Variants in PTPRD observed in about 807,000 individuals in gnomAD.
The protein encoded by PTPRD is receptor-type tyrosine-protein phosphatase delta.
In PTPRD, 34 loss-of-function variants were observed where a neutral mutation model predicts 214.5. That is an observed-to-expected ratio of 0.16 (90% confidence interval 0.12 to 0.21). PTPRD has a LOEUF of 0.21. Among genes scored for constraint, PTPRD ranks in the 10% least tolerant of loss-of-function variants. The pLI is 1.00. For missense variants in PTPRD, 2,545 were observed against 2,398.7 expected, an observed-to-expected ratio of 1.06 and a Z score of -1.27; for synonymous variants, 1,128 against 845.7, an observed-to-expected ratio of 1.33 and a Z score of -5.79.
In PTPRD at chr9:9,733,687, C is replaced by A. The variant is rs183581562; in HGVS notation, c.-287+846G>T. Among the ~76,000 whole-genome samples, 320 of 152,244 alleles carry A rather than the reference C, an allele frequency of 2.1e-3. 1 individual carries two copies. Among genetic ancestry groups the A allele is most frequent in the African/African-American group, 7.2e-3 (298 of 41,562 alleles). ...TTTCTGCAGTCCATCAAGTTAGAAT[C>A]TCATTCTTGGTTCAGTATTATGGAA... On this transcript the variant is annotated intron_variant, in intron 7 of 45. Coordinates refer to ENST00000381196, the MANE Select transcript of PTPRD (RefSeq NM_002839.4).
chr9:8,605,714 C>A (rs1314391327), intron 14 of PTPRD, among the ~76,000 whole-genome samples: 1 of 152,214 alleles, frequency 6.6e-6, no homozygotes, highest in Admixed American at 6.5e-5. Flanking sequence ...GACATCAGTG[C>A]ACGTTGGTTC....
At chr9:8,445,596 T>C (rs149089858) in intron 34 of PTPRD, among the ~76,000 whole-genome samples, 226 of 152,284 alleles carry the variant, frequency 1.5e-3, no homozygotes, top group Non-Finnish European at 2.3e-3. Context: ...ACTTAAGTAA[T>C]AGATTGGTCC....
chr9:9,342,473 A>T (rs2047176870), intron 9 of PTPRD, among the ~76,000 whole-genome samples: 1 of 152,184 alleles, frequency 6.6e-6, no homozygotes, highest in Admixed American at 6.5e-5. Context: ...GACGAGATTA[A>T]TACATATTTG....
rs549559602 is a variant in PTPRD at position 10,555,305 on chromosome 9, T to C, written c.-600+57093A>G. Among the ~76,000 whole-genome samples the C allele has an allele frequency of 6.6e-5, 10 of 152,290 alleles. No homozygotes were observed. The East Asian group carries it at 1.9e-3, about 29-fold the overall frequency. On this transcript the variant is annotated intron_variant, in intron 2 of 45. Transcript: ENST00000381196. The stretch of plus-strand genomic sequence containing the variant: ...AGAAGAAAATAAAAGACAAACTCAT[T>C]AGTTACAGGTACAACAAATAAAATT...
intron 8 of PTPRD, among the ~76,000 whole-genome samples, chr9:9,548,581 T>G (rs2079405679): frequency 6.6e-6 from 1 of 151,906 alleles, no homozygotes; most frequent in South Asian, 2.1e-4. Flanking sequence ...GTATTTTTAG[T>G]AGAGATGGGG....
At chr9:9,270,464 A>G (rs1331203136) in intron 9 of PTPRD, among the ~76,000 whole-genome samples, 2 of 151,338 alleles carry the variant, frequency 1.3e-5, no homozygotes, top group African/African-American at 4.8e-5. Context: ...CAAGAAGTGC[A>G]TGTAACAAAG....
intron 11 of PTPRD, among the ~76,000 whole-genome samples, chr9:8,934,475 A>AAATT (rs1567099864): frequency 0.013 from 118 of 9,248 alleles, 6 homozygotes; most frequent in Admixed American, 0.024. Flanking sequence ...ATATATATAT[A>AAATT]TAAATATATA....
rs189427158 is a variant in PTPRD, at chr9:10,274,860, C to T, written c.-545+66103G>A. ...AGGACATTCAGGATCTAGACAGCAG[C>T]AATGGAAATGTGCCCTCAGGAATAA... On this transcript the variant is annotated intron_variant, in intron 3 of 45. Coordinates refer to ENST00000381196, the MANE Select transcript of PTPRD (RefSeq NM_002839.4). 4.6e-5 allele frequency among the ~76,000 whole-genome samples: 7 copies of T among 152,166 alleles called. No homozygotes were observed. In the South Asian group the frequency reaches 8.3e-4, roughly 18 times the overall value.
intron 12 of PTPRD, among the ~76,000 whole-genome samples, chr9:8,685,971 G>A: frequency 6.6e-6 from 1 of 152,256 alleles, no homozygotes; most frequent in South Asian, 2.1e-4. Flanking sequence ...GGCTCATTTT[G>A]AGAAACATCT....
intron 11 of PTPRD, among the ~76,000 whole-genome samples, chr9:8,794,058 T>C (rs1462280021): frequency 6.6e-6 from 1 of 152,208 alleles, no homozygotes; most frequent in East Asian, 1.9e-4. Flanking sequence ...CACATTATCA[T>C]GCATTACAGT....
intron 3 of PTPRD, among the ~76,000 whole-genome samples, chr9:10,257,694 G>A (rs976582797): frequency 3.9e-5 from 6 of 152,070 alleles, no homozygotes; most frequent in African/African-American, 1.2e-4. Context: ...CCAGTCAGGC[G>A]CTCAACCCAC....
At chr9:9,367,067 AC>A (rs2058083153) in intron 9 of PTPRD, among the ~76,000 whole-genome samples, 2 of 151,616 alleles carry the variant, frequency 1.3e-5, no homozygotes, top group Admixed American at 1.3e-4. Flanking sequence ...AAAAATAAAA[AC>A]CCTTTGTCCC....
At chr9:9,008,205 T>TTTTATTTATTTG (rs2099489847) in intron 11 of PTPRD, among the ~76,000 whole-genome samples, 1 of 121,188 alleles carries the variant, frequency 8.3e-6, no homozygotes, top group Admixed American at 8.8e-5. Flanking sequence ...CTCCCCTTCA[T>TTTTATTTATTTG]TTTATTTATT....
chr9:8,902,630 C>A (rs1013898673), intron 11 of PTPRD, among the ~76,000 whole-genome samples: 1 of 152,082 alleles, frequency 6.6e-6, no homozygotes, highest in South Asian at 2.1e-4. Context: ...CAGGCATGAG[C>A]CACCACGCCC....
chr9:9,238,170 G>C (rs898592451), intron 9 of PTPRD, among the ~76,000 whole-genome samples: 2 of 151,990 alleles, frequency 1.3e-5, no homozygotes, highest in Non-Finnish European at 2.9e-5. Flanking sequence ...CCTTTGGGAG[G>C]CCTCTGTCTT....
At chr9:9,557,788 G>A (rs1311521609) in intron 8 of PTPRD, among the ~76,000 whole-genome samples, 1 of 152,168 alleles carries the variant, frequency 6.6e-6, no homozygotes, top group Admixed American at 6.5e-5. Flanking sequence ...CCATGTGTCA[G>A]GTCCTGGAGT....
intron 7 of PTPRD, among the ~76,000 whole-genome samples, chr9:9,600,067 T>C (rs180857657): frequency 2.5e-4 from 38 of 152,140 alleles, no homozygotes; most frequent in Admixed American, 1.4e-3. Flanking sequence ...TTTTGAAACA[T>C]TGCAGTTGTT....
intron 2 of PTPRD, among the ~76,000 whole-genome samples, chr9:10,388,751 G>T (rs1056250201): frequency 6.6e-6 from 1 of 151,760 alleles, no homozygotes; most frequent in African/African-American, 2.4e-5. Flanking sequence ...TGATAAGTTA[G>T]TTTCTTCCTC....
At chr9:9,538,481 C>T (rs568398144) in intron 8 of PTPRD, among the ~76,000 whole-genome samples, 6 of 151,842 alleles carry the variant, frequency 4.0e-5, no homozygotes, top group African/African-American at 1.4e-4. Flanking sequence ...GGCTCTACAT[C>T]AAATCTCTGT....
Sources: gnomAD v4.1 joint callset for allele counts (sites outside exome capture counted in the v4.1 genomes callset) on GRCh38, gnomAD v4.1.1 for gene constraint, MANE v1.5 for transcripts, NCBI Gene and HGNC (gene_info 2026-07-23, HGNC 2026-07-21) for gene names.